Variants in DMC1 observed in about 807,000 individuals in gnomAD.
The protein encoded by DMC1 is DNA meiotic recombinase 1.
A neutral mutation model predicts 50.1 loss-of-function variants in DMC1; 27 were observed. The observed-to-expected ratio is 0.54, with a 90% CI of 0.40 to 0.74. DMC1 has a LOEUF of 0.74. DMC1 is among the 30% of genes least tolerant of loss of function. DMC1 has a pLI of 0.00. For missense variants in DMC1, 295 were observed against 420.2 expected (o/e 0.70, Z 2.60); for synonymous variants, 148 against 136.1 (o/e 1.09, Z -0.61).
chr22:38,548,115 A>T (rs1401093660), intron 8 of DMC1, among the ~76,000 whole-genome samples: 5 of 152,170 alleles, frequency 3.3e-5, no homozygotes, highest in Admixed American at 1.3e-4. Context: ...TCCTAAATAT[A>T]AACATACCTC....
At chr22:38,555,325 T>G in intron 6 of DMC1, 32 bp downstream of exon 6, 1 of 1,461,348 alleles carries the variant, frequency 6.8e-7, no homozygotes, top group Non-Finnish European at 9.6e-7. Context: ...TGTATAATAT[T>G]TCATTTAACA....
At chr22:38,536,472 G>A (rs1186273706) in intron 12 of DMC1, among the ~76,000 whole-genome samples, 2 of 152,098 alleles carry the variant, frequency 1.3e-5, no homozygotes, top group Admixed American at 6.6e-5. Flanking sequence ...GTCTTTCAGA[G>A]TCATCAATAG....
chr22:38,549,989 G>A lies in DMC1; in HGVS notation c.430C>T (p.Gln144Ter), dbSNP rs1263917889. 6.2e-7 allele frequency: 1 copy of A among 1,612,812 alleles called. No individual in the cohort carries two copies. Among genetic ancestry groups the A allele is most frequent in the East Asian group, 2.2e-5 (1 of 44,826 alleles). ...GGGTAGCCACCAGCTCCTGGAAGTT[G>A]AGCTGTCACTAGGAAGCAATTAAAA... Reference protein sequence around the residue: ...QLSHTLCVTAQLPGAGGYPGG... With the variant: ...QLSHTLCVTA The change falls in exon 8 of 14, where the codon CAA (glutamine) becomes TAA (stop). Residue 144 changes from glutamine to a stop codon, truncating the protein, a stop_gained. Transcript: ENST00000216024. LOFTEE classifies it high-confidence loss of function.
At chr22:38,522,644 G>C (rs1401697664) in intron 12 of DMC1, among the ~76,000 whole-genome samples, 3 of 151,996 alleles carry the variant, frequency 2.0e-5, no homozygotes, top group African/African-American at 7.2e-5. Flanking sequence ...CAAACTAAAG[G>C]TTATACTTGA....
intron 13 of DMC1, 70 bp downstream of exon 13, chr22:38,521,538 T>TATACACAC (rs1250224549): frequency 3.1e-6 from 2 of 641,694 alleles, no homozygotes; most frequent in Non-Finnish European, 5.1e-6. Flanking sequence ...ACCCCGTCTC[T>TATACACAC]ACACACACAC....
chr22:38,543,994 T>C (rs1343999182), intron 8 of DMC1, among the ~76,000 whole-genome samples: 2 of 152,198 alleles, frequency 1.3e-5, no homozygotes, highest in East Asian at 1.9e-4. Context: ...TCCCCTCCCT[T>C]GTTCAGATGT....
chr22:38,560,913 T>G (rs2090520593), intron 5 of DMC1, among the ~76,000 whole-genome samples: 1 of 152,136 alleles, frequency 6.6e-6, no homozygotes. Context: ...TATAAATATT[T>G]CAGTATGTAT....
At chr22:38,531,087 A>G (rs1244493584) in intron 12 of DMC1, among the ~76,000 whole-genome samples, 2 of 152,166 alleles carry the variant, frequency 1.3e-5, no homozygotes, top group East Asian at 3.9e-4. Context: ...ATCCTTAGAG[A>G]ATAAACTGAC....
chr22:38,521,961 T>A (rs1230786003), intron 12 of DMC1, among the ~76,000 whole-genome samples: 1 of 149,318 alleles, frequency 6.7e-6, no homozygotes, highest in African/African-American at 2.4e-5. Flanking sequence ...TTGTTTGACT[T>A]TTTTTTTTTG....
chr22:38,514,945 CT>C (rs1225224373), downstream of DMC1, among the ~76,000 whole-genome samples: 44,750 of 121,810 alleles, frequency 0.37, 6,809 homozygotes, highest in African/African-American at 0.47. Flanking sequence ...TTTTTTTATT[CT>C]TTTTTTTTTT....
rs1192359899 is a variant in DMC1 at position 38,519,918 on chromosome 22, T to G, written c.*102A>C. ...CTTTGCTGACTTTTCTTTAGTAACA[T>G]GTGGGAAAAAACCTCTATTTCAAGA... On this transcript the variant is annotated 3_prime_UTR_variant, in exon 14 of 14. Coordinates refer to ENST00000216024, the MANE Select transcript of DMC1 (RefSeq NM_007068.4). The G allele has an allele frequency of 4.4e-6, 4 of 916,128 alleles. No individual in the cohort carries two copies. The Admixed American group carries it at 7.0e-5, about 16-fold the overall frequency. The allele number at this position is 916,128 out of a possible 1,614,324, so 56.7% of individuals were successfully genotyped here.
At chr22:38,516,906 G>C (rs1569149688), downstream of DMC1, among the ~76,000 whole-genome samples, 11 of 152,248 alleles carry the variant, frequency 7.2e-5, 1 homozygote, top group Admixed American at 6.5e-4. Flanking sequence ...GCTCATTGCA[G>C]CCTCGACTTC....
chr22:38,517,710 T>C (rs1017138640), downstream of DMC1, among the ~76,000 whole-genome samples: 3 of 152,354 alleles, frequency 2.0e-5, no homozygotes, highest in Middle Eastern at 3.4e-3. Flanking sequence ...GCCTTTATAT[T>C]TGCATACGAA....
At chr22:38,562,900 T>C (rs1159803544) in intron 4 of DMC1, among the ~76,000 whole-genome samples, 1 of 152,126 alleles carries the variant, frequency 6.6e-6, no homozygotes, top group Non-Finnish European at 1.5e-5. Context: ...CCCAAGTAGC[T>C]GGGATTACAG....
At chr22:38,535,750 G>C (rs1232804671) in intron 12 of DMC1, among the ~76,000 whole-genome samples, 2 of 151,836 alleles carry the variant, frequency 1.3e-5, no homozygotes, top group East Asian at 4.0e-4. Context: ...TAGGACTACA[G>C]GTGCACACCA....
At chr22:38,564,029 C>T (rs1241766172) in intron 4 of DMC1, among the ~76,000 whole-genome samples, 3 of 151,954 alleles carry the variant, frequency 2.0e-5, no homozygotes, top group African/African-American at 7.3e-5. Context: ...ATTAGCTGGA[C>T]ATGGTAGCAT....
the DMC1 span, among the ~76,000 whole-genome samples, chr22:38,512,578 C>T: frequency 6.6e-6 from 1 of 152,158 alleles, no homozygotes; most frequent in African/African-American, 2.4e-5. Context: ...ACTTCCCTCT[C>T]AAAATATTGA....
chr22:38,565,041 C>CAT (rs1358133562), intron 4 of DMC1, among the ~76,000 whole-genome samples: 1 of 152,212 alleles, frequency 6.6e-6, no homozygotes, highest in Non-Finnish European at 1.5e-5. Flanking sequence ...GAGACCCTCA[C>CAT]ATACCAATAG....
At chr22:38,553,728 G>A (rs2090438790) in intron 6 of DMC1, among the ~76,000 whole-genome samples, 2 of 151,436 alleles carry the variant, frequency 1.3e-5, no homozygotes, top group Admixed American at 6.6e-5. Flanking sequence ...GGAGGCCGAG[G>A]CGGGCAGGCT....
Sources: gnomAD v4.1 joint callset for allele counts (sites outside exome capture counted in the v4.1 genomes callset) on GRCh38, gnomAD v4.1.1 for gene constraint, MANE v1.5 for transcripts, NCBI Gene and HGNC (gene_info 2026-07-23, HGNC 2026-07-21) for gene names.